The following PHF3 variants were observed in gnomAD, a reference collection of about 807,000 sequenced individuals.
The protein encoded by PHF3 is PHD finger protein 3.
A neutral mutation model predicts 178.4 loss-of-function variants in PHF3; 41 were observed. That is an observed-to-expected ratio of 0.23 (90% CI 0.18 to 0.30). The LOEUF is 0.30. Ranked by LOEUF, PHF3 falls within the 10% of genes least tolerant of loss-of-function variation. The probability of loss-of-function intolerance (pLI) is 1.00; values close to 1 mark genes in which losing one functional copy is unlikely to be tolerated. For synonymous variants in PHF3, 842 were observed against 800.5 expected, an observed-to-expected ratio of 1.05 and a Z score of -0.88; for missense variants, 2,346 against 2,398.1, an observed-to-expected ratio of 0.98 and a Z score of 0.45.
intron 2 of PHF3, among the ~76,000 whole-genome samples, chr6:63,649,102 A>T (rs1258329849): frequency 6.6e-6 from 1 of 151,528 alleles, no homozygotes; most frequent in Non-Finnish European, 1.5e-5. Context: ...TTATTTATTT[A>T]TTTATTTATT....
rs1473012459 is a variant in PHF3 at position 63,718,578 on chromosome 6, AC to A, written c.*4872del. On this transcript the variant is annotated 3_prime_UTR_variant, in exon 16 of 16. Transcript: ENST00000262043. The stretch of plus-strand genomic sequence containing the variant: ...TTCTGACTTAGGGCTGGATTCTCTT[AC>A]CTGCCCTGCATTCAGTGTTTTGTAG... 1.3e-5 allele frequency among the ~76,000 whole-genome samples: 2 copies of A among 152,020 alleles called. No individual in the cohort carries two copies. Among genetic ancestry groups the A allele is most frequent in the African/African-American group, 4.8e-5 (2 of 41,430 alleles).
intron 1 of PHF3, among the ~76,000 whole-genome samples, chr6:63,641,902 A>T (rs189155798): frequency 1.6e-3 from 249 of 152,224 alleles, no homozygotes; most frequent in Non-Finnish European, 2.6e-3. Flanking sequence ...TGCTGGGATT[A>T]CAGGTGTGAG....
At chr6:63,644,734 A>T (rs533704116) in intron 1 of PHF3, among the ~76,000 whole-genome samples, 3 of 152,272 alleles carry the variant, frequency 2.0e-5, no homozygotes, top group African/African-American at 7.2e-5. Context: ...AAATTGAGGT[A>T]TAATAAATGC....
intron 6 of PHF3, among the ~76,000 whole-genome samples, chr6:63,695,445 A>G (rs566537524): frequency 5.9e-5 from 9 of 152,304 alleles, no homozygotes; most frequent in Non-Finnish European, 8.8e-5. Context: ...TCTCCCAAGG[A>G]TCCCAGAATT....
Position 63,715,345 on chromosome 6 carries a change from AAGTT to A in PHF3, c.*1642_*1645del, listed in dbSNP as rs1488845533. ...TTGGAAATTAACTTGTTAGAAAACAAAGTTAGTTCCCAAACAAAACAAAATCTAA... is the reference window on the plus strand; with the variant it reads ...TTGGAAATTAACTTGTTAGAAAACAAAGTTCCCAAACAAAACAAAATCTAA... On this transcript the variant is annotated 3_prime_UTR_variant, in exon 16 of 16. Coordinates refer to ENST00000262043, the MANE Select transcript of PHF3 (RefSeq NM_001370348.2). 7 of 152,318 alleles carry A rather than the reference AAGTT, an allele frequency of 4.6e-5. No individual in the cohort carries two copies. The highest frequency in any genetic ancestry group is 1.7e-4 in the African/African-American group (7 of 41,576). The allele number at this position is 152,318 out of a possible 1,614,324, so 9.4% of individuals were successfully genotyped here. A position where few individuals can be genotyped will look rare whatever the true frequency, so the allele number is the denominator to read the frequency against.
chr6:63,651,047 TCTG>T (rs1356572961), intron 2 of PHF3, among the ~76,000 whole-genome samples: 2 of 152,246 alleles, frequency 1.3e-5, no homozygotes, highest in Non-Finnish European at 2.9e-5. Flanking sequence ...TTTTAAAGCT[TCTG>T]TGCTTCAATG....
intron 4 of PHF3, among the ~76,000 whole-genome samples, chr6:63,690,893 C>A (rs1489238842): frequency 6.6e-6 from 1 of 152,062 alleles, no homozygotes; most frequent in Non-Finnish European, 1.5e-5. Flanking sequence ...TAGAGTCATA[C>A]GTTTCACATC....
At chr6:63,659,066 A>C (rs1765358270) in intron 2 of PHF3, among the ~76,000 whole-genome samples, 1 of 152,178 alleles carries the variant, frequency 6.6e-6, no homozygotes, top group Admixed American at 6.6e-5. Flanking sequence ...AAATACTTTC[A>C]CAGCAGCATT....
chr6:63,659,957 T>G (rs1381720900), intron 2 of PHF3, among the ~76,000 whole-genome samples: 1 of 152,192 alleles, frequency 6.6e-6, no homozygotes, highest in Non-Finnish European at 1.5e-5. Context: ...GTACATAAGT[T>G]CTGTTAAGAT....
At position 63,694,747 on chromosome 6, in the gene PHF3, A is replaced by G; in HGVS notation, c.2663A>G (p.Glu888Gly). Residue 888 changes from glutamate to glycine, a missense_variant, in exon 6 of 16, where the codon GAA becomes GGA. By Grantham distance (98) the Glu-to-Gly change is moderately conservative (BLOSUM62 -2). This residue lies in a region of PHF3 where 252 missense variants were observed against 232.0 expected (regional missense o/e 1.09). Coordinates refer to ENST00000262043, the MANE Select transcript of PHF3 (RefSeq NM_001370348.2). ...KESTTVTCTG[E>G]KASKPGTHEK... Reference sequence around the variant, plus strand: ...TCTACAACTGTTACTTGCACAGGAGAAAAAGCTTCAAAACCAGGTAGTGAG... The same window carrying G: ...TCTACAACTGTTACTTGCACAGGAGGAAAAGCTTCAAAACCAGGTAGTGAG... The G allele has an allele frequency of 6.7e-7, 1 of 1,503,264 alleles. No homozygotes were observed. Among genetic ancestry groups the G allele is most frequent in the East Asian group, 2.4e-5 (1 of 41,334 alleles). The allele number at this position is 1,503,264 out of a possible 1,614,324, so 93.1% of individuals were successfully genotyped here.
intron 4 of PHF3, among the ~76,000 whole-genome samples, chr6:63,687,790 T>C (rs1468014955): frequency 2.0e-5 from 3 of 152,184 alleles, no homozygotes; most frequent in Non-Finnish European, 4.4e-5. Context: ...GTCCCTTTGT[T>C]GTTGTTTACT....
intron 2 of PHF3, among the ~76,000 whole-genome samples, chr6:63,678,018 T>G (rs1766250258): frequency 6.6e-6 from 1 of 151,236 alleles, no homozygotes; most frequent in Admixed American, 6.6e-5. Context: ...AGGTCAGGAG[T>G]TCGAGACCAG....
At chr6:63,701,750 T>A (rs1383725487) in intron 9 of PHF3, among the ~76,000 whole-genome samples, 1 of 152,168 alleles carries the variant, frequency 6.6e-6, no homozygotes, top group Non-Finnish European at 1.5e-5. Context: ...TTGAAAATAA[T>A]ATCACCTCCT....
rs1198039 is a variant in PHF3 at position 63,689,520 on chromosome 6, G to A, written c.2190-2217G>A. ...AAAAATGATTTAATGTTTATGTGACGTAGAATTCTCTGATCTTAGAAGAGT... is the reference window on the plus strand; with the variant it reads ...AAAAATGATTTAATGTTTATGTGACATAGAATTCTCTGATCTTAGAAGAGT... On this transcript the variant is annotated intron_variant, in intron 4 of 15. Coordinates refer to ENST00000262043, the MANE Select transcript of PHF3 (RefSeq NM_001370348.2). 6.9e-3 allele frequency among the ~76,000 whole-genome samples: 1,055 copies of A among 152,206 alleles called. 9 individuals carry two copies. The highest frequency in any genetic ancestry group is 0.012 in the Non-Finnish European group (808 of 67,972).
Position 63,712,309 on chromosome 6 carries a change from C to T in PHF3, c.4721C>T (p.Thr1574Ile). ...GATGTTTCTACAGAAGCATTTTTAA[C>T]AAATTTATCAATTCAGTCAAAACAA... ...PPDVSTEAFL[T>I]NLSIQSKQEE... Residue 1574 changes from threonine (T) to isoleucine (I), a missense_variant, in exon 16 of 16, where the codon ACA (threonine) becomes ATA (isoleucine). This residue lies in a region of PHF3 where 839 missense variants were observed against 806.9 expected (regional missense o/e 1.04). Transcript: ENST00000262043. 6.2e-7 allele frequency: 1 copy of T among 1,613,008 alleles called. No individual in the cohort carries two copies. The highest frequency in any genetic ancestry group is 1.1e-5 in the South Asian group (1 of 90,860).
Position 63,684,482 on chromosome 6 carries a change from A to G in PHF3, c.760A>G (p.Asn254Asp). The part of the protein sequence containing the change: ...GEIDVPSHEL[N>D]CSLLSETCVT... ...AATAGATGTGCCATCTCATGAATTA[A>G]ATTGTTCACTTCTTTCAGAGACTTG... The change falls in exon 4 of 16, where the codon AAT becomes GAT. Residue 254 changes from asparagine (N) to aspartate (D), a missense_variant. Physicochemically the swap from Asn to Asp is conservative, Grantham distance 23. Around this residue, in one of 8 missense-constraint regions of PHF3, gnomAD observed 843 missense variants for 795.2 expected, o/e 1.06. Coordinates refer to ENST00000262043, the MANE Select transcript of PHF3 (RefSeq NM_001370348.2). 1 of 1,613,816 alleles carries G rather than the reference A, an allele frequency of 6.2e-7. No individual in the cohort carries two copies. The highest frequency in any genetic ancestry group is 8.5e-7 in the Non-Finnish European group (1 of 1,179,782).
intron 2 of PHF3, among the ~76,000 whole-genome samples, chr6:63,660,584 TTTC>T (rs1212460526): frequency 1.3e-5 from 2 of 152,130 alleles, no homozygotes; most frequent in Non-Finnish European, 2.9e-5. Flanking sequence ...AGAAATAATT[TTTC>T]TTCTTATTTT....
intron 14 of PHF3, 66 bp downstream of exon 14, chr6:63,709,306 C>A: frequency 2.8e-6 from 3 of 1,080,794 alleles, no homozygotes; most frequent in East Asian, 2.4e-5. Flanking sequence ...GTTTAGAATT[C>A]TTATGCAAGG....
chr6:63,679,340 A>T (rs1024546965), intron 2 of PHF3, among the ~76,000 whole-genome samples: 2 of 152,108 alleles, frequency 1.3e-5, no homozygotes, highest in Admixed American at 1.3e-4. Context: ...AATTAAATAC[A>T]TGAGTCTGTC....
Sources: allele counts gnomAD v4.1 joint callset (sites outside exome capture counted in the v4.1 genomes callset), GRCh38; gene constraint gnomAD v4.1.1; regional missense constraint gnomAD v4.1.1; transcripts MANE v1.5; gene names NCBI Gene and HGNC (gene_info 2026-07-23, HGNC 2026-07-21).